NREP: variants seen among roughly 807,000 people sequenced by gnomAD.
The protein encoded by NREP is neuronal regeneration related protein, also known as neuronal regeneration-related protein.
A neutral mutation model predicts 8.6 loss-of-function variants in NREP; 5 were observed. That is an observed-to-expected ratio of 0.58 (90% CI 0.30 to 1.22). NREP has a LOEUF of 1.22. NREP is among the 50% of genes most tolerant of loss of function. The pLI is 0.07. For synonymous variants in NREP, 27 were observed against 28.0 expected, an observed-to-expected ratio of 0.96 and a Z score of 0.11; for missense variants, 86 against 82.5, an observed-to-expected ratio of 1.04 and a Z score of -0.17.
At chr5:111,975,819 C>T (rs553251993) in intron 1 of NREP, among the ~76,000 whole-genome samples, 1 of 152,198 alleles carries the variant, frequency 6.6e-6, no homozygotes, top group African/African-American at 2.4e-5. Context: ...TTATTCTTCC[C>T]CAAAAATAGT....
At chr5:111,874,815 T>A (rs1753867418) in intron 2 of NREP, among the ~76,000 whole-genome samples, 1 of 152,076 alleles carries the variant, frequency 6.6e-6, no homozygotes, top group Non-Finnish European at 1.5e-5. Context: ...TCTTCTATAC[T>A]CCCCATTGTA....
intron 2 of NREP, among the ~76,000 whole-genome samples, chr5:111,780,085 G>C (rs2112882152): frequency 6.6e-6 from 1 of 152,320 alleles, no homozygotes; most frequent in South Asian, 2.1e-4. Flanking sequence ...ACTGAACAGA[G>C]CAACTTCTGC....
chr5:111,731,025 C>T lies in NREP; in HGVS notation c.103G>A (p.Glu35Lys). ...TCATCGTTCTTCTTGCGGTTCACTT[C>T]CTTTGGGACAGGAAGTCTTCCCTGC... ...LPKGRLPVPKEVNRKKNDETN... is the reference protein window; with the variant it reads ...LPKGRLPVPKKVNRKKNDETN... The change falls in exon 4 of 4, where the codon GAA (glutamate) becomes AAA (lysine). Residue 35 changes from glutamate (E) to lysine (K), a missense_variant. Transcript: ENST00000257435. 1 of 1,613,898 alleles carries T rather than the reference C, an allele frequency of 6.2e-7. No individual in the cohort carries two copies. The highest frequency in any genetic ancestry group is 8.5e-7 in the Non-Finnish European group (1 of 1,179,836).
At chr5:111,874,529 A>T (rs1187709812) in intron 2 of NREP, among the ~76,000 whole-genome samples, 1 of 152,144 alleles carries the variant, frequency 6.6e-6, no homozygotes, top group Non-Finnish European at 1.5e-5. Flanking sequence ...GGGGAATTTA[A>T]CAGGCTTTTT....
At chr5:111,832,473 A>G (rs1752795295) in intron 2 of NREP, among the ~76,000 whole-genome samples, 1 of 152,110 alleles carries the variant, frequency 6.6e-6, no homozygotes, top group Non-Finnish European at 1.5e-5. Flanking sequence ...CGAGCTTGCA[A>G]TGAGCGGACA....
intron 2 of NREP, among the ~76,000 whole-genome samples, chr5:111,839,035 A>G (rs1476068550): frequency 6.6e-6 from 1 of 152,042 alleles, no homozygotes; most frequent in African/African-American, 2.4e-5. Context: ...TCAGAATGGG[A>G]TGTCATGACG....
intron 2 of NREP, among the ~76,000 whole-genome samples, chr5:111,785,129 A>G (rs1751579781): frequency 6.6e-6 from 1 of 152,162 alleles, no homozygotes; most frequent in African/African-American, 2.4e-5. Context: ...CCAAGCGCCA[A>G]TCCATCACTA....
intron 2 of NREP, among the ~76,000 whole-genome samples, chr5:111,809,877 G>GCA (rs1752231980): frequency 8.6e-6 from 1 of 116,072 alleles, no homozygotes; most frequent in South Asian, 2.6e-4. Context: ...TGGCGTGTGT[G>GCA]TGTGTGTGTG....
At position 111,883,922 on chromosome 5, in the gene NREP, G is replaced by A. The variant is rs1357265130; in HGVS notation, c.135+91352C>T. 2.6e-5 allele frequency among the ~76,000 whole-genome samples: 4 copies of A among 152,144 alleles called. No homozygotes were observed. The South Asian group carries it at 8.3e-4, about 32-fold the overall frequency. On this transcript the variant is annotated intron_variant, in intron 2 of 3. Coordinates refer to the NREP transcript ENST00000395634. ...CATCACAATTAAAAGAACTAGAAAA[G>A]CAAGAGCAAACACATTCAAAAGCTA...
chr5:111,895,588 A>C (rs1011763383), intron 2 of NREP, among the ~76,000 whole-genome samples: 2 of 152,092 alleles, frequency 1.3e-5, no homozygotes, highest in African/African-American at 4.8e-5. Flanking sequence ...GGCAGGGATA[A>C]GAGAGTTATC....
chr5:111,923,760 G>A (rs1486849209), intron 2 of NREP, among the ~76,000 whole-genome samples: 1 of 152,120 alleles, frequency 6.6e-6, no homozygotes, highest in African/African-American at 2.4e-5. Flanking sequence ...AACTCCCAGG[G>A]TCATTCCCTT....
In NREP at chr5:111,765,281, C is replaced by G. The variant is rs573490862; in HGVS notation, c.136-29774G>C. 1.1e-4 allele frequency among the ~76,000 whole-genome samples: 16 copies of G among 152,280 alleles called. No homozygotes were observed. The South Asian group carries it at 3.1e-3, about 30-fold the overall frequency. On this transcript the variant is annotated intron_variant, in intron 2 of 3. Coordinates refer to the NREP transcript ENST00000395634. ...ACCAATGATCTGACAGGAGGCAGAGCTTAGGCAGTAATGCTTGCTCACCCA... is the reference window on the plus strand; with the variant it reads ...ACCAATGATCTGACAGGAGGCAGAGGTTAGGCAGTAATGCTTGCTCACCCA...
intron 2 of NREP, among the ~76,000 whole-genome samples, chr5:111,799,145 G>C (rs1170534471): frequency 6.6e-6 from 1 of 152,104 alleles, no homozygotes; most frequent in Non-Finnish European, 1.5e-5. Flanking sequence ...TTTTATACCA[G>C]TACCATGCTG....
chr5:111,872,697 A>G (rs35919438), intron 2 of NREP, among the ~76,000 whole-genome samples: 1 of 152,098 alleles, frequency 6.6e-6, no homozygotes, highest in Non-Finnish European at 1.5e-5. Context: ...TTTCTAATTT[A>G]TAGGTTTACA....
intron 2 of NREP, among the ~76,000 whole-genome samples, chr5:111,742,948 C>T (rs889707560): frequency 2.0e-5 from 3 of 152,110 alleles, no homozygotes; most frequent in Non-Finnish European, 4.4e-5. Context: ...GTACAGTAAT[C>T]GGAGCCAAAC....
intron 2 of NREP, among the ~76,000 whole-genome samples, chr5:111,815,044 A>C (rs1752354552): frequency 6.6e-6 from 1 of 152,040 alleles, no homozygotes; most frequent in Non-Finnish European, 1.5e-5. Flanking sequence ...AGAGAAGTGA[A>C]TCCAACAATG....
intron 2 of NREP, among the ~76,000 whole-genome samples, chr5:111,917,761 G>A (rs1274812316): frequency 6.6e-6 from 1 of 152,136 alleles, no homozygotes; most frequent in African/African-American, 2.4e-5. Flanking sequence ...CGTACTGAAT[G>A]GGCAAAAGCT....
At chr5:111,881,950 C>G (rs964586993) in intron 2 of NREP, among the ~76,000 whole-genome samples, 1 of 152,190 alleles carries the variant, frequency 6.6e-6, no homozygotes, top group Admixed American at 6.5e-5. Context: ...ATCACAGTTC[C>G]TCACCAGCAA....
At chr5:111,793,086 C>G (rs1230917330) in intron 2 of NREP, among the ~76,000 whole-genome samples, 4 of 152,138 alleles carry the variant, frequency 2.6e-5, no homozygotes, top group Non-Finnish European at 2.9e-5. Flanking sequence ...ACAAGTCACC[C>G]AGTAAACTAG....
Sources: allele counts gnomAD v4.1 joint callset (sites outside exome capture counted in the v4.1 genomes callset), GRCh38; gene constraint gnomAD v4.1.1; transcripts MANE v1.5; gene names NCBI Gene and HGNC (gene_info 2026-07-23, HGNC 2026-07-21).